Variants in PCDHA3 observed in about 807,000 individuals in gnomAD.
The protein encoded by PCDHA3 is protocadherin alpha-3.
Under a neutral mutation model 62.2 loss-of-function variants are expected in PCDHA3, and 41 were observed. The ratio of observed to expected loss-of-function variants is 0.66; its 90% CI spans 0.51 to 0.86. The LOEUF is 0.86. Ranked by LOEUF, PCDHA3 falls within the 40% of genes least tolerant of loss-of-function variation. The pLI is 0.00. For synonymous variants in PCDHA3, 640 were observed against 555.4 expected (o/e 1.15, Z -2.14); for missense variants, 1,304 against 1,241.2 (o/e 1.05, Z -0.76).
chr5:140,941,862 T>G (rs1007783083), intron 1 of PCDHA3, among the ~76,000 whole-genome samples: 33 of 152,238 alleles, frequency 2.2e-4, no homozygotes, highest in African/African-American at 7.7e-4. Context: ...TTCCCTATCA[T>G]AGAGTTCTAT....
At chr5:140,849,667 C>T in intron 1 of PCDHA3, 1 of 1,598,692 alleles carries the variant, frequency 6.3e-7, no homozygotes, top group South Asian at 1.1e-5. Context: ...TCCCTGACGC[C>T]CCACGTCCCC....
chr5:140,923,498 C>T (rs1233893951), intron 1 of PCDHA3, among the ~76,000 whole-genome samples: 2 of 152,018 alleles, frequency 1.3e-5, no homozygotes, highest in African/African-American at 4.8e-5. Context: ...CACTGCACTC[C>T]AGCCTGGATG....
At chr5:140,863,452 G>A in intron 1 of PCDHA3, 4 of 561,032 alleles carry the variant, frequency 7.1e-6, no homozygotes, top group South Asian at 2.9e-5. Flanking sequence ...TCGCAGCAAA[G>A]GAGATTTTAC....
At chr5:140,958,218 A>C (rs1240262632) in intron 1 of PCDHA3, among the ~76,000 whole-genome samples, 2 of 152,120 alleles carry the variant, frequency 1.3e-5, no homozygotes, top group Admixed American at 1.3e-4. Flanking sequence ...TTAGATTTTA[A>C]AGGACTTTCA....
intron 1 of PCDHA3, among the ~76,000 whole-genome samples, chr5:140,915,092 C>T (rs781958993): frequency 9.2e-5 from 14 of 151,760 alleles, no homozygotes; most frequent in East Asian, 1.9e-4. Context: ...ACTATGGGCA[C>T]GCACCACCAC....
At chr5:140,931,216 A>G (rs1347905969) in intron 1 of PCDHA3, among the ~76,000 whole-genome samples, 4 of 152,190 alleles carry the variant, frequency 2.6e-5, no homozygotes, top group African/African-American at 9.6e-5. Context: ...TTCAGGTATC[A>G]GAGCACTTAA....
intron 1 of PCDHA3, among the ~76,000 whole-genome samples, chr5:140,973,624 A>G (rs2096595807): frequency 6.6e-6 from 1 of 152,204 alleles, no homozygotes; most frequent in African/African-American, 2.4e-5. Flanking sequence ...CTGTTTCTGT[A>G]TCTTGTACAC....
intron 1 of PCDHA3, chr5:140,928,773 T>A: frequency 6.2e-7 from 1 of 1,614,164 alleles, no homozygotes; most frequent in Non-Finnish European, 8.5e-7. Context: ...TTCTTCCCAC[T>A]GATGCAGTTA....
chr5:140,918,111 C>T (rs1035723043), intron 1 of PCDHA3, among the ~76,000 whole-genome samples: 1 of 152,016 alleles, frequency 6.6e-6, no homozygotes, highest in Non-Finnish European at 1.5e-5. Flanking sequence ...CTTTCACATC[C>T]TTGATTAGCC....
chr5:140,954,442 G>C (rs2095039188), intron 1 of PCDHA3, among the ~76,000 whole-genome samples: 1 of 151,940 alleles, frequency 6.6e-6, no homozygotes, highest in South Asian at 2.1e-4. Flanking sequence ...GTTGTTTCTG[G>C]ACTTGTTAAT....
intron 1 of PCDHA3, among the ~76,000 whole-genome samples, chr5:140,887,198 G>T (rs1276345927): frequency 6.6e-6 from 1 of 151,492 alleles, no homozygotes; most frequent in Admixed American, 6.6e-5. Flanking sequence ...CCGGGTTCAC[G>T]CCATTCTCCT....
chr5:140,877,372 A>T, intron 1 of PCDHA3: 6 of 1,613,992 alleles, frequency 3.7e-6, no homozygotes, highest in Non-Finnish European at 5.1e-6. Flanking sequence ...GATCAGCACG[A>T]CACGCATCCT....
chr5:140,883,503 C>T (rs782604086), intron 1 of PCDHA3: 7 of 1,614,204 alleles, frequency 4.3e-6, no homozygotes, highest in Non-Finnish European at 5.9e-6. Flanking sequence ...CTGGACAGCG[C>T]CCTGGACCGC....
chr5:140,927,290 T>A (rs1563090312), intron 1 of PCDHA3: 2 of 1,614,054 alleles, frequency 1.2e-6, no homozygotes, highest in Admixed American at 1.7e-5. Context: ...CAGCTGCACA[T>A]CCCCGAGTTC....
rs2150240930 is a variant in PCDHA3 at position 140,835,656 on chromosome 5, G to A, written c.2394+32065G>A. The A allele has an allele frequency of 1.2e-4, 192 of 1,613,824 alleles. 3 individuals carry two copies. Among genetic ancestry groups the A allele is most frequent in the Non-Finnish European group, 1.5e-4 (179 of 1,179,886 alleles). On this transcript the variant is annotated intron_variant, in intron 1 of 3. Coordinates refer to ENST00000522353, the MANE Select transcript of PCDHA3 (RefSeq NM_018906.3). The stretch of plus-strand genomic sequence containing the variant: ...GAGTGTGTCCGCCTATGAGCTGGTG[G>A]TTACCGCGCGGGACGGGGGCTCGCC...
chr5:140,807,955 T>G (rs373945193), intron 1 of PCDHA3: 167 of 1,612,616 alleles, frequency 1.0e-4, no homozygotes, highest in Middle Eastern at 1.6e-4. Flanking sequence ...AAAATGTTCC[T>G]AATGGAACAT....
At chr5:140,919,217 G>T (rs1427737864) in intron 1 of PCDHA3, among the ~76,000 whole-genome samples, 1 of 152,090 alleles carries the variant, frequency 6.6e-6, no homozygotes, top group Non-Finnish European at 1.5e-5. Context: ...TGTCCTTCTT[G>T]ATTTCTAGTA....
chr5:140,983,113 A>G (rs2097027812), intron 3 of PCDHA3, among the ~76,000 whole-genome samples: 2 of 152,254 alleles, frequency 1.3e-5, no homozygotes, highest in Admixed American at 6.5e-5. Context: ...CTGCACATCA[A>G]CAACATTCTG....
At chr5:140,941,760 T>A (rs1343959883) in intron 1 of PCDHA3, among the ~76,000 whole-genome samples, 2 of 152,234 alleles carry the variant, frequency 1.3e-5, no homozygotes, top group Non-Finnish European at 1.5e-5. Flanking sequence ...TCAGTGCTTT[T>A]AAGATAATTG....
Sources: allele counts gnomAD v4.1 joint callset (sites outside exome capture counted in the v4.1 genomes callset), GRCh38; gene constraint gnomAD v4.1.1; transcripts MANE v1.5; gene names NCBI Gene and HGNC (gene_info 2026-07-23, HGNC 2026-07-21).